Variants in LRMDA observed in about 807,000 individuals in gnomAD.
The protein encoded by LRMDA is leucine rich melanocyte differentiation associated, also known as leucine-rich melanocyte differentiation-associated protein.
Under a neutral mutation model 29.8 loss-of-function variants are expected in LRMDA, and 18 were observed. That is an observed-to-expected ratio of 0.60 (90% CI 0.42 to 0.90). The LOEUF is 0.90. Ranked by LOEUF, LRMDA falls within the 40% of genes least tolerant of loss-of-function variation. LRMDA has a pLI of 0.00. For synonymous variants in LRMDA, 125 were observed against 109.4 expected (o/e 1.14, Z -0.89); for missense variants, 273 against 273.9 (o/e 1.00, Z 0.02).
chr10:75,495,714 G>A (rs1448622025), intron 2 of LRMDA, among the ~76,000 whole-genome samples: 1 of 152,216 alleles, frequency 6.6e-6, no homozygotes, highest in Admixed American at 6.5e-5. Context: ...GAATCCAAAA[G>A]TCAAGGCCAG....
intron 5 of LRMDA, among the ~76,000 whole-genome samples, chr10:76,164,757 T>A (rs1850705282): frequency 6.6e-6 from 1 of 152,142 alleles, no homozygotes. Flanking sequence ...GGAAACAATT[T>A]AATTTAATTT....
intron 2 of LRMDA, among the ~76,000 whole-genome samples, chr10:75,973,565 C>T (rs1439389677): frequency 3.3e-5 from 5 of 151,948 alleles, no homozygotes; most frequent in African/African-American, 4.8e-5. Context: ...ATTACAGGCA[C>T]CTGCCACCAC....
At chr10:76,057,777 A>G (rs961539801) in intron 4 of LRMDA, among the ~76,000 whole-genome samples, 5 of 152,186 alleles carry the variant, frequency 3.3e-5, no homozygotes, top group African/African-American at 9.6e-5. Flanking sequence ...CGCTTGTTTG[A>G]TTGTTGGACT....
intron 2 of LRMDA, among the ~76,000 whole-genome samples, chr10:75,614,042 A>G (rs1841068511): frequency 6.6e-6 from 1 of 152,202 alleles, no homozygotes; most frequent in Non-Finnish European, 1.5e-5. Flanking sequence ...AGTTGCTGAA[A>G]TCTTGAATGA....
Position 76,030,273 on chromosome 10 carries a change from T to C in LRMDA, c.132-5735T>C, listed in dbSNP as rs190664860. On this transcript the variant is annotated intron_variant, in intron 2 of 6. Coordinates refer to ENST00000611255, the MANE Select transcript of LRMDA (RefSeq NM_001305581.2). ...TTGTGTGTGTGTGTGTGTATATATA[T>C]GTATGGCTATGTGACTTGAATGGCA... Among the ~76,000 whole-genome samples, 111 of 152,274 alleles carry C rather than the reference T, an allele frequency of 7.3e-4. 1 individual carries two copies. The highest frequency in any genetic ancestry group is 5.4e-3 in the Admixed American group (82 of 15,296).
At chr10:76,114,530 G>A (rs531361377) in intron 5 of LRMDA, among the ~76,000 whole-genome samples, 1 of 152,268 alleles carries the variant, frequency 6.6e-6, no homozygotes, top group South Asian at 2.1e-4. Context: ...GGGGGCACCT[G>A]GAAGGACAGA....
intron 2 of LRMDA, among the ~76,000 whole-genome samples, chr10:75,484,188 TCAAG>T: frequency 6.6e-6 from 1 of 152,190 alleles, no homozygotes; most frequent in Admixed American, 6.5e-5. Context: ...ACTCCTGGGC[TCAAG>T]CAGTCTTCCC....
chr10:75,845,045 G>C (rs1363749441), intron 2 of LRMDA, among the ~76,000 whole-genome samples: 1 of 152,084 alleles, frequency 6.6e-6, no homozygotes, highest in African/African-American at 2.4e-5. Context: ...TTCATGTTAG[G>C]TGAAGGACAA....
chr10:76,055,799 G>A (rs1286981720), intron 4 of LRMDA, among the ~76,000 whole-genome samples: 17 of 152,226 alleles, frequency 1.1e-4, no homozygotes, highest in East Asian at 1.9e-4. Flanking sequence ...ACTGGGGAAC[G>A]TGGTGGCACC....
At chr10:76,399,544 T>C (rs1841825795) in intron 6 of LRMDA, among the ~76,000 whole-genome samples, 2 of 152,226 alleles carry the variant, frequency 1.3e-5, no homozygotes, top group Non-Finnish European at 2.9e-5. Flanking sequence ...CTCTCAAATA[T>C]AGATTTCCAG....
chr10:76,501,534 A>G (rs529021313), intron 6 of LRMDA, among the ~76,000 whole-genome samples: 1 of 151,856 alleles, frequency 6.6e-6, no homozygotes, highest in East Asian at 1.9e-4. Flanking sequence ...AGCATATGTC[A>G]TTTTTTGACT....
chr10:76,154,774 G>A (rs1017576689), intron 5 of LRMDA, among the ~76,000 whole-genome samples: 1 of 152,134 alleles, frequency 6.6e-6, no homozygotes, highest in Non-Finnish European at 1.5e-5. Context: ...GGCATGGTCC[G>A]GACATTAGCA....
intron 2 of LRMDA, among the ~76,000 whole-genome samples, chr10:75,757,255 G>T (rs1843043273): frequency 6.6e-6 from 1 of 152,138 alleles, no homozygotes; most frequent in Non-Finnish European, 1.5e-5. Flanking sequence ...GGGGCCTCAG[G>T]TTCTCTGCTG....
At chr10:75,508,856 G>A (rs758443702) in intron 2 of LRMDA, among the ~76,000 whole-genome samples, 1 of 152,144 alleles carries the variant, frequency 6.6e-6, no homozygotes, top group African/African-American at 2.4e-5. Context: ...CTCTGCCCTT[G>A]TAACAGTCCC....
intron 2 of LRMDA, among the ~76,000 whole-genome samples, chr10:75,831,893 G>A (rs1844352649): frequency 6.6e-6 from 1 of 152,198 alleles, no homozygotes. Flanking sequence ...TTTTAGTCAT[G>A]ACTGAAGTGG....
chr10:76,307,484 C>A (rs936065035), intron 5 of LRMDA, among the ~76,000 whole-genome samples: 7 of 152,138 alleles, frequency 4.6e-5, no homozygotes, highest in Admixed American at 1.3e-4. Flanking sequence ...GTCCACTACA[C>A]TGTATTCTGG....
At chr10:75,799,349 C>T (rs1347707531) in intron 2 of LRMDA, among the ~76,000 whole-genome samples, 1 of 152,130 alleles carries the variant, frequency 6.6e-6, no homozygotes, top group Non-Finnish European at 1.5e-5. Context: ...TTACTTTGTC[C>T]AATATCAGTG....
intron 5 of LRMDA, among the ~76,000 whole-genome samples, chr10:76,140,408 T>C (rs968245379): frequency 1.3e-5 from 2 of 152,128 alleles, no homozygotes; most frequent in African/African-American, 4.8e-5. Context: ...CTACCCAGTA[T>C]ATGTCTCCCT....
intron 6 of LRMDA, among the ~76,000 whole-genome samples, chr10:76,409,992 G>A (rs2132506839): frequency 6.6e-6 from 1 of 152,274 alleles, no homozygotes; most frequent in East Asian, 1.9e-4. Flanking sequence ...AAGTCTTCCT[G>A]GAAGAGGTAA....
Sources: gnomAD v4.1 joint callset for allele counts (sites outside exome capture counted in the v4.1 genomes callset) on GRCh38, gnomAD v4.1.1 for gene constraint, MANE v1.5 for transcripts, NCBI Gene and HGNC (gene_info 2026-07-23, HGNC 2026-07-21) for gene names.